Variants in CADPS observed in about 807,000 individuals in gnomAD.
CADPS encodes calcium dependent secretion activator, also known as calcium-dependent secretion activator 1.
A neutral mutation model predicts 167.3 loss-of-function variants in CADPS; 57 were observed. The observed-to-expected ratio is 0.34, with a 90% CI of 0.28 to 0.42. The LOEUF (loss-of-function observed/expected upper bound fraction) is 0.42, where lower values mean the gene tolerates loss of function less well. CADPS is among the 20% of genes least tolerant of loss of function. The probability of loss-of-function intolerance (pLI) is 1.00; values close to 1 mark genes in which losing one functional copy is unlikely to be tolerated. For missense variants in CADPS, 1,414 were observed against 1,738.1 expected (o/e 0.81, Z 3.32); for synonymous variants, 676 against 635.3 (o/e 1.06, Z -0.96).
chr3:62,709,747 G>C (rs2083018587), intron 3 of CADPS, among the ~76,000 whole-genome samples: 1 of 150,030 alleles, frequency 6.7e-6, no homozygotes, highest in African/African-American at 2.5e-5. Flanking sequence ...AGGACCACTG[G>C]GTTTTATTTT....
At position 62,498,408 on chromosome 3, in the gene CADPS, A is replaced by G. The variant is rs74538503; in HGVS notation, c.2706+754T>C. Among the ~76,000 whole-genome samples, 1,456 of 152,280 alleles carry G rather than the reference A, an allele frequency of 9.6e-3. 27 individuals carry two copies. The highest frequency in any genetic ancestry group is 0.033 in the African/African-American group (1,351 of 41,554). On this transcript the variant is annotated intron_variant, in intron 18 of 29. Coordinates refer to ENST00000383710, the MANE Select transcript of CADPS (RefSeq NM_003716.4). ...GGAGAATTATGCAATTTTCAAAAAG[A>G]TTATTTTAAGAGAGATGATTTTAAA...
intron 1 of CADPS, among the ~76,000 whole-genome samples, chr3:62,801,485 T>C (rs1419176047): frequency 6.6e-6 from 1 of 152,196 alleles, no homozygotes; most frequent in Admixed American, 6.6e-5. Flanking sequence ...TAATCTTGTC[T>C]TTCCTTAAGG....
At chr3:62,686,287 T>C (rs2078020716) in intron 3 of CADPS, among the ~76,000 whole-genome samples, 1 of 152,038 alleles carries the variant, frequency 6.6e-6, no homozygotes, top group Non-Finnish European at 1.5e-5. Flanking sequence ...GCATAAAATA[T>C]CTATGTCTTC....
intron 28 of CADPS, among the ~76,000 whole-genome samples, chr3:62,434,573 C>G (rs2149686477): frequency 6.6e-6 from 1 of 152,214 alleles, no homozygotes; most frequent in Admixed American, 6.5e-5. Flanking sequence ...ATTTGGAAAG[C>G]CTGTTCTTAA....
At chr3:62,838,850 G>T (rs1221306766) in intron 1 of CADPS, among the ~76,000 whole-genome samples, 1 of 152,072 alleles carries the variant, frequency 6.6e-6, no homozygotes, top group Admixed American at 6.6e-5. Context: ...AATCATTTGA[G>T]GAATCTGAGC....
intron 3 of CADPS, among the ~76,000 whole-genome samples, chr3:62,749,250 T>G (rs2082180147): frequency 6.6e-6 from 1 of 152,236 alleles, no homozygotes; most frequent in Non-Finnish European, 1.5e-5. Context: ...TATCTTTTGA[T>G]AGACATGGTT....
chr3:62,713,235 CCTT>C (rs1311559755), intron 3 of CADPS, among the ~76,000 whole-genome samples: 1 of 152,100 alleles, frequency 6.6e-6, no homozygotes, highest in African/African-American at 2.4e-5. Context: ...GACCATTTCT[CCTT>C]CTCCTGGTAA....
chr3:62,651,294 C>T (rs1190733819), intron 4 of CADPS, among the ~76,000 whole-genome samples: 9 of 152,066 alleles, frequency 5.9e-5, no homozygotes, highest in Non-Finnish European at 8.8e-5. Flanking sequence ...GTAAGAAACA[C>T]GTACATAAAC....
intron 5 of CADPS, among the ~76,000 whole-genome samples, chr3:62,647,928 G>C (rs2150120391): frequency 6.6e-6 from 1 of 152,314 alleles, no homozygotes; most frequent in Non-Finnish European, 1.5e-5. Context: ...GTTGCTTTCT[G>C]TTAGCACATG....
intron 1 of CADPS, among the ~76,000 whole-genome samples, chr3:62,776,508 G>A (rs1432262393): frequency 1.3e-5 from 2 of 152,148 alleles, no homozygotes; most frequent in African/African-American, 4.8e-5. Context: ...CAAAAAATTA[G>A]CCGGGCATGG....
Position 62,856,864 on chromosome 3 carries a change from T to TA in CADPS, c.441+17724dup, listed in dbSNP as rs201438087. 5.9e-3 allele frequency among the ~76,000 whole-genome samples: 821 copies of TA among 139,608 alleles called. 6 individuals carry two copies. The highest frequency in any genetic ancestry group is 0.023 in the East Asian group (111 of 4,810). The allele number at this position is 139,608 out of a possible 152,430, so 91.6% of individuals were successfully genotyped here. On this transcript the variant is annotated intron_variant, in intron 1 of 29. Transcript: ENST00000383710. ...TTCAAATGAGTAAAAAATATAAAGG[T>TA]AAAAAAAAAAAACACTATAAGTAGT...
At chr3:62,842,090 G>C (rs1463555359) in intron 1 of CADPS, among the ~76,000 whole-genome samples, 1 of 152,138 alleles carries the variant, frequency 6.6e-6, no homozygotes, top group Non-Finnish European at 1.5e-5. Context: ...AGATATTTGG[G>C]AAGTTTTATA....
chr3:62,453,651 G>A (rs559542661), intron 26 of CADPS, among the ~76,000 whole-genome samples: 1 of 152,354 alleles, frequency 6.6e-6, no homozygotes, highest in East Asian at 1.9e-4. Flanking sequence ...GTGTGCGGGT[G>A]AGCAGTTGAG....
rs549535608 is a variant in CADPS at position 62,754,069 on chromosome 3, C to T, written c.556-296G>A. Among the ~76,000 whole-genome samples, 150 of 152,282 alleles carry T rather than the reference C, an allele frequency of 9.9e-4. 1 individual carries two copies. The highest frequency in any genetic ancestry group is 3.4e-3 in the African/African-American group (142 of 41,560). On this transcript the variant is annotated intron_variant, in intron 2 of 29. Transcript: ENST00000383710. ...AGCACATGGTATACAGACCTGTGCC[C>T]GGGCTGCATAGGTTCTCTGCCCCTT...
chr3:62,526,451 T>C (rs1259543952), intron 13 of CADPS, among the ~76,000 whole-genome samples: 1 of 152,174 alleles, frequency 6.6e-6, no homozygotes, highest in Non-Finnish European at 1.5e-5. Flanking sequence ...GAGAAAAATT[T>C]CCAATCCCAA....
intron 1 of CADPS, among the ~76,000 whole-genome samples, chr3:62,800,931 T>A (rs978326127): frequency 6.6e-6 from 1 of 152,182 alleles, no homozygotes; most frequent in African/African-American, 2.4e-5. Context: ...ACAAAACCCT[T>A]ATTTTCCCAT....
intron 1 of CADPS, among the ~76,000 whole-genome samples, chr3:62,830,160 T>C (rs2074816810): frequency 6.6e-6 from 1 of 152,150 alleles, no homozygotes; most frequent in Non-Finnish European, 1.5e-5. Context: ...TCAGGTAATA[T>C]ATGTCTTAGA....
rs756461116 is a variant in CADPS at position 62,536,550 on chromosome 3, A to T, written c.1998T>A (p.Asp666Glu). ...YADRAQKHGM[D>E]EFISSNPCNF... ...TACAGGGGTTGGAAGAGATAAATTC[A>T]TCCATGCCATGTTTTTGAGCTCTAT... Residue 666 changes from aspartate to glutamate, a missense_variant, in exon 12 of 30, where the codon GAT becomes GAA. Transcript: ENST00000383710. The T allele has an allele frequency of 6.2e-7, 1 of 1,613,308 alleles. No homozygotes were observed. Among genetic ancestry groups the T allele is most frequent in the Admixed American group, 1.7e-5 (1 of 59,998 alleles).
intron 1 of CADPS, among the ~76,000 whole-genome samples, chr3:62,839,230 G>A (rs765537106): frequency 6.6e-6 from 1 of 151,936 alleles, no homozygotes; most frequent in Non-Finnish European, 1.5e-5. Flanking sequence ...AGTCTTGCTC[G>A]GTCACCCAGG....
Sources: gnomAD v4.1 joint callset for allele counts (sites outside exome capture counted in the v4.1 genomes callset) on GRCh38, gnomAD v4.1.1 for gene constraint, MANE v1.5 for transcripts, NCBI Gene and HGNC (gene_info 2026-07-23, HGNC 2026-07-21) for gene names.